The following DIAPH2 variants were observed in gnomAD, a reference collection of about 807,000 sequenced individuals.
The protein encoded by DIAPH2 is protein diaphanous homolog 2.
DIAPH2 carries 35 observed loss-of-function variants against 92.7 expected under a neutral mutation model. That is an observed-to-expected ratio of 0.38 (90% CI 0.29 to 0.50). The LOEUF (loss-of-function observed/expected upper bound fraction) is 0.50. DIAPH2 is among the 20% of genes least tolerant of loss of function. The pLI, the probability that DIAPH2 is intolerant of heterozygous loss-of-function variation, is 0.94. For missense variants in DIAPH2, 701 were observed against 819.5 expected (o/e 0.86, Z 1.77); for synonymous variants, 301 against 280.4 (o/e 1.07, Z -0.73).
At chrX:97,019,348 A>G (rs1221832816) in intron 17 of DIAPH2, among the ~76,000 whole-genome samples, 1 of 111,131 alleles carries the variant, frequency 9.0e-6, no homozygotes, top group Non-Finnish European at 1.9e-5. Flanking sequence ...TCGGATTAAT[A>G]GAATTGAACT....
At chrX:96,929,737 TATATA>T (rs1017306996) in intron 9 of DIAPH2, among the ~76,000 whole-genome samples, 1 of 111,319 alleles carries the variant, frequency 9.0e-6, no homozygotes, top group African/African-American at 3.2e-5. Flanking sequence ...TTAGTATCTT[TATATA>T]ATATGTTTTT....
intron 26 of DIAPH2, among the ~76,000 whole-genome samples, chrX:97,509,526 A>G (rs1172104607): frequency 5.6e-5 from 1 of 17,803 alleles, no homozygotes; most frequent in Non-Finnish European, 1.0e-4. Flanking sequence ...TTATTATTAT[A>G]CTTTAAGTTT....
chrX:96,691,216 C>A (rs761849276), intron 1 of DIAPH2, among the ~76,000 whole-genome samples: 17 of 111,378 alleles, frequency 1.5e-4, no homozygotes, highest in Non-Finnish European at 2.4e-4. Flanking sequence ...GTTGAAGACC[C>A]AACTCCAGTC....
chrX:97,438,675 C>A (rs2070220746), intron 26 of DIAPH2, among the ~76,000 whole-genome samples: 1 of 110,410 alleles, frequency 9.1e-6, no homozygotes. Flanking sequence ...CCACGCCACA[C>A]CAAGAGCCAG....
chrX:97,555,942 A>C (rs1479013103), intron 26 of DIAPH2, among the ~76,000 whole-genome samples: 1 of 111,996 alleles, frequency 8.9e-6, no homozygotes, highest in Non-Finnish European at 1.9e-5. Context: ...TCTACCACAG[A>C]CCGGGGAACA....
intron 4 of DIAPH2, among the ~76,000 whole-genome samples, chrX:96,868,147 T>C (rs916476639): frequency 4.5e-5 from 5 of 112,051 alleles, no homozygotes; most frequent in Non-Finnish European, 9.4e-5. Flanking sequence ...TTGATTGGTA[T>C]AGCATGCTGC....
At chrX:97,369,253 A>T (rs2069418422) in intron 24 of DIAPH2, among the ~76,000 whole-genome samples, 1 of 111,569 alleles carries the variant, frequency 9.0e-6, no homozygotes, top group Non-Finnish European at 1.9e-5. Context: ...ACACCGAAGC[A>T]AATGTGCATA....
At chrX:97,352,746 T>C (rs1388300012) in intron 24 of DIAPH2, among the ~76,000 whole-genome samples, 4 of 105,786 alleles carry the variant, frequency 3.8e-5, no homozygotes, top group African/African-American at 1.4e-4. Flanking sequence ...GGCAGGTGCC[T>C]GTAGTCCCAG....
chrX:97,405,975 C>T (rs1372400415), intron 25 of DIAPH2, among the ~76,000 whole-genome samples: 1 of 111,617 alleles, frequency 9.0e-6, no homozygotes, highest in Non-Finnish European at 1.9e-5. Flanking sequence ...AAAACCCTCT[C>T]CCTGGGCATC....
intron 25 of DIAPH2, among the ~76,000 whole-genome samples, chrX:97,401,957 C>T (rs1400555924): frequency 8.9e-6 from 1 of 112,570 alleles, no homozygotes; most frequent in Non-Finnish European, 1.9e-5. Context: ...CATTGCTGTA[C>T]ATTTGCAAAT....
intron 26 of DIAPH2, among the ~76,000 whole-genome samples, chrX:97,547,519 TA>T (rs2071190559): frequency 8.9e-6 from 1 of 112,009 alleles, no homozygotes; most frequent in Non-Finnish European, 1.9e-5. Context: ...ACAGACATAA[TA>T]AAAACCTAAC....
chrX:96,698,859 C>G (rs1463168948), intron 1 of DIAPH2, among the ~76,000 whole-genome samples: 2 of 108,279 alleles, frequency 1.8e-5, no homozygotes, highest in Admixed American at 2.0e-4. Context: ...TCCCAAGTAG[C>G]TGGTACTACA....
chrX:97,228,736 T>A (rs2067985324), intron 22 of DIAPH2, among the ~76,000 whole-genome samples: 1 of 111,838 alleles, frequency 8.9e-6, no homozygotes, highest in Non-Finnish European at 1.9e-5. Flanking sequence ...CTAGTAACAA[T>A]TTGTAAAGAG....
intron 22 of DIAPH2, among the ~76,000 whole-genome samples, chrX:97,196,534 A>C (rs2067705605): frequency 8.9e-6 from 1 of 111,772 alleles, no homozygotes; most frequent in Admixed American, 9.5e-5. Context: ...TAGAGATACC[A>C]GGAAAGAAAT....
At chrX:97,075,635 T>G in intron 19 of DIAPH2, among the ~76,000 whole-genome samples, 1 of 111,946 alleles carries the variant, frequency 8.9e-6, no homozygotes, top group Non-Finnish European at 1.9e-5. Context: ...GTCAAGAGGT[T>G]AAATAGCTTG....
chrX:97,482,300 T>A (rs1046727662), intron 26 of DIAPH2, among the ~76,000 whole-genome samples: 1 of 112,478 alleles, frequency 8.9e-6, no homozygotes, highest in African/African-American at 3.2e-5. Flanking sequence ...TGAGCAACAT[T>A]AAGCACAAAA....
At chrX:97,345,338 A>AG (rs1452300132) in intron 23 of DIAPH2, among the ~76,000 whole-genome samples, 3 of 111,829 alleles carry the variant, frequency 2.7e-5, no homozygotes, top group Non-Finnish European at 5.6e-5. Flanking sequence ...GCATAAAAAA[A>AG]GAACATAGGA....
chrX:96,893,731 G>A (rs233208), intron 5 of DIAPH2, among the ~76,000 whole-genome samples: 40,958 of 111,188 alleles, frequency 0.37, 5,944 homozygotes, highest in African/African-American at 0.54. Context: ...TCTCCCCTTG[G>A]ACTGTCTATC....
chrX:97,418,609 G>A (rs1238704534), intron 25 of DIAPH2, among the ~76,000 whole-genome samples: 1 of 111,854 alleles, frequency 8.9e-6, no homozygotes, highest in East Asian at 2.8e-4. Context: ...GCTTGTGTTT[G>A]TGTGTCTTAT....
Sources: allele counts gnomAD v4.1 joint callset (sites outside exome capture counted in the v4.1 genomes callset), GRCh38; gene constraint gnomAD v4.1.1; transcripts MANE v1.5; gene names NCBI Gene and HGNC (gene_info 2026-07-23, HGNC 2026-07-21).